Variants in TCEAL7 observed in about 807,000 individuals in gnomAD.
TCEAL7 encodes the protein transcription elongation factor A like 7.
For missense variants in TCEAL7, 63 were observed against 77.9 expected (o/e 0.81, Z 0.72); for synonymous variants, 22 against 25.5 (o/e 0.86, Z 0.42).
At chrX:103,330,624 G>A (rs1401573129) in intron 1 of TCEAL7, among the ~76,000 whole-genome samples, 1 of 111,296 alleles carries the variant, frequency 9.0e-6, no homozygotes, top group Non-Finnish European at 1.9e-5. Context: ...GTTGGTGTGT[G>A]GAGAAAGGCT....
chrX:103,332,080 CTTTT>C lies in TCEAL7; in HGVS notation c.*380_*383del, dbSNP rs367829609. ...TTAACAGTGAATCTCTGTGTGATCTCTTTTTTTTTCTTTTTGCCTATCTGCATCT... is the reference window on the plus strand; with the variant it reads ...TTAACAGTGAATCTCTGTGTGATCTCTTTTTCTTTTTGCCTATCTGCATCT... On this transcript the variant is annotated 3_prime_UTR_variant, in exon 3 of 3. Transcript: ENST00000332431. 7.6e-6 allele frequency: 1 copy of C among 131,663 alleles called. No individual in the cohort carries two copies. The highest frequency in any genetic ancestry group is 1.7e-5 in the Non-Finnish European group (1 of 59,780). The allele number at this position is 131,663 out of a possible 1,213,427, so 10.9% of individuals were successfully genotyped here. A position where few individuals can be genotyped will look rare whatever the true frequency, so the allele number is the denominator to read the frequency against.
At position 103,331,966 on chromosome X, in the gene TCEAL7, T is replaced by C. The variant is rs937058260; in HGVS notation, c.*260T>C. On this transcript the variant is annotated 3_prime_UTR_variant, in exon 3 of 3. Transcript: ENST00000332431. ...AACGAGTTGCAAAACAGTGTATACATATATGTGTGTATATATGTACACTTT... is the reference window on the plus strand; with the variant it reads ...AACGAGTTGCAAAACAGTGTATACACATATGTGTGTATATATGTACACTTT... The C allele has an allele frequency of 3.3e-6, 1 of 304,344 alleles. No individual in the cohort carries two copies. The highest frequency in any genetic ancestry group is 2.7e-5 in the African/African-American group (1 of 37,129). The allele number at this position is 304,344 out of a possible 1,213,427, so 25.1% of individuals were successfully genotyped here.
intron 1 of TCEAL7, among the ~76,000 whole-genome samples, chrX:103,330,704 C>T (rs1926496456): frequency 1.8e-5 from 2 of 110,227 alleles, no homozygotes; most frequent in Non-Finnish European, 3.8e-5. Context: ...TCAATGCCGG[C>T]CTGTGGTGGT....
At position 103,332,270 on chromosome X, in the gene TCEAL7, C is replaced by T. The variant is rs1304282760; in HGVS notation, c.*564C>T. ...AGAAGCGTAAAAATGAAATGTAAACCTCCAATTACCTCTGGATCTCTTAGC... is the reference window on the plus strand; with the variant it reads ...AGAAGCGTAAAAATGAAATGTAAACTTCCAATTACCTCTGGATCTCTTAGC... On this transcript the variant is annotated 3_prime_UTR_variant, in exon 3 of 3. Coordinates refer to ENST00000332431, the MANE Select transcript of TCEAL7 (RefSeq NM_152278.5). 2 of 123,514 alleles carry T rather than the reference C, an allele frequency of 1.6e-5. No individual in the cohort carries two copies. Among genetic ancestry groups the T allele is most frequent in the Admixed American group, 1.9e-4 (2 of 10,636 alleles). 10.2% of individuals were successfully genotyped at this position (123,514 alleles called of 1,213,427 possible).
chrX:103,331,875 T>C lies in TCEAL7; in HGVS notation c.*169T>C. Reference sequence around the variant, plus strand: ...ATCTCATCTTTTGACCCAATCTTATTCATTTAATAAGAGGTCTCATTCATT... The same window carrying C: ...ATCTCATCTTTTGACCCAATCTTATCCATTTAATAAGAGGTCTCATTCATT... On this transcript the variant is annotated 3_prime_UTR_variant, in exon 3 of 3. Coordinates refer to ENST00000332431, the MANE Select transcript of TCEAL7 (RefSeq NM_152278.5). 1 of 444,507 alleles carries C rather than the reference T, an allele frequency of 2.2e-6. No individual in the cohort carries two copies. The highest frequency in any genetic ancestry group is 3.9e-6 in the Non-Finnish European group (1 of 257,970). The allele number at this position is 444,507 out of a possible 1,213,427, so 36.6% of individuals were successfully genotyped here. A position where few individuals can be genotyped will look rare whatever the true frequency, so the allele number is the denominator to read the frequency against.
intron 1 of TCEAL7, among the ~76,000 whole-genome samples, 173 bp from the exon 2 acceptor site, chrX:103,330,750 G>A (rs1926497770): frequency 9.1e-6 from 1 of 110,442 alleles, no homozygotes; most frequent in African/African-American, 3.3e-5. Flanking sequence ...GGAGGGAGAC[G>A]CGGGCCTTGC....
Position 103,330,253 on chromosome X carries a change from C to G in TCEAL7, c.-197C>G, listed in dbSNP as rs1357529886. ...TTCTCCTCTGGGTACCAGCTCCTTA[C>G]TGCCCTGCAGACAAGCGTGCCGTGC... On this transcript the variant is annotated 5_prime_UTR_variant, in exon 1 of 3. Coordinates refer to ENST00000332431, the MANE Select transcript of TCEAL7 (RefSeq NM_152278.5). 1.8e-5 allele frequency: 2 copies of G among 111,424 alleles called. No individual in the cohort carries two copies. Among genetic ancestry groups the G allele is most frequent in the Non-Finnish European group, 3.8e-5 (2 of 53,082 alleles). The allele number at this position is 111,424 out of a possible 1,213,427, so 9.2% of individuals were successfully genotyped here.
chrX:103,331,776 T>G lies in TCEAL7; in HGVS notation c.*70T>G. On this transcript the variant is annotated 3_prime_UTR_variant, in exon 3 of 3. Transcript: ENST00000332431. Reference sequence around the variant, plus strand: ...CACTGCTTTCTGTTTGTCTGCACTTTCTTGATAAATATTTGCTATCGTTTT... The same window carrying G: ...CACTGCTTTCTGTTTGTCTGCACTTGCTTGATAAATATTTGCTATCGTTTT... The G allele has an allele frequency of 1.2e-6, 1 of 869,008 alleles. No individual in the cohort carries two copies. Among genetic ancestry groups the G allele is most frequent in the East Asian group, 3.1e-5 (1 of 31,881 alleles). 71.6% of individuals were successfully genotyped at this position (869,008 alleles called of 1,213,427 possible). A position where few individuals can be genotyped will look rare whatever the true frequency, so the allele number is the denominator to read the frequency against.
rs1926511223 is a variant in TCEAL7 at position 103,331,358 on chromosome X, C to T, written c.-27-19C>T. 9.0e-7 allele frequency: 1 copy of T among 1,105,665 alleles called. No homozygotes were observed. The highest frequency in any genetic ancestry group is 1.2e-6 in the Non-Finnish European group (1 of 837,860). The allele number at this position is 1,105,665 out of a possible 1,213,427, so 91.1% of individuals were successfully genotyped here. ...ATTCAAAAGTAATGAAGCAATTTGT[C>T]TTTACATTTTCTCCCTAGAGTTAAG... On this transcript the variant is annotated intron_variant, in intron 2 of 2. Coordinates refer to ENST00000332431, the MANE Select transcript of TCEAL7 (RefSeq NM_152278.5).
At position 103,330,906 on chromosome X, in the gene TCEAL7, C is replaced by T. The variant is rs1384302914; in HGVS notation, c.-145-17C>T. The T allele has an allele frequency of 8.9e-6, 1 of 112,517 alleles. No homozygotes were observed. Among genetic ancestry groups the T allele is most frequent in the African/African-American group, 3.3e-5 (1 of 30,481 alleles). 9.3% of individuals were successfully genotyped at this position (112,517 alleles called of 1,213,427 possible). ...AATCCCAGGTTCAAAATAATAACGT[C>T]TGTCTTGTCTCTGGAGCTGGTTGAT... On this transcript the variant is annotated splice_polypyrimidine_tract_variant and intron_variant, in intron 1 of 2. Coordinates refer to ENST00000332431, the MANE Select transcript of TCEAL7 (RefSeq NM_152278.5).
Sources: allele counts gnomAD v4.1 joint callset (sites outside exome capture counted in the v4.1 genomes callset), GRCh38; gene constraint gnomAD v4.1.1; transcripts MANE v1.5; gene names NCBI Gene and HGNC (gene_info 2026-07-23, HGNC 2026-07-21).